UNC5B: variants seen among roughly 807,000 people sequenced by gnomAD.
UNC5B encodes netrin receptor UNC5B.
UNC5B carries 56 observed loss-of-function variants against 103.7 expected under a neutral mutation model. That is an observed-to-expected ratio of 0.54 (90% CI 0.44 to 0.67). The LOEUF (loss-of-function observed/expected upper bound fraction) is 0.67, where lower values mean the gene tolerates loss of function less well. UNC5B is among the 30% of genes least tolerant of loss of function. The pLI is 0.00. For synonymous variants in UNC5B, 577 were observed against 542.0 expected (o/e 1.06, Z -0.90); for missense variants, 1,194 against 1,284.5 (o/e 0.93, Z 1.08).
intron 1 of UNC5B, among the ~76,000 whole-genome samples, chr10:71,227,617 T>TAC (rs1307605588): frequency 0.029 from 4,213 of 144,318 alleles, 100 homozygotes; most frequent in East Asian, 0.099. Context: ...TATACATATA[T>TAC]ATACATATAT....
chr10:71,257,428 T>G (rs1400422453), intron 1 of UNC5B, among the ~76,000 whole-genome samples: 14 of 152,078 alleles, frequency 9.2e-5, no homozygotes, highest in Admixed American at 8.5e-4. Context: ...CTTGCCCCCT[T>G]CCCCCTCCAG....
intron 4 of UNC5B, 129 bp downstream of exon 4, chr10:71,285,558 C>A: frequency 2.5e-6 from 2 of 805,434 alleles, no homozygotes; most frequent in South Asian, 1.8e-5. Flanking sequence ...CAGATGAGAT[C>A]GAGGCTTAGC....
rs1564516183 is a variant in UNC5B, at chr10:71,296,805, T to TC, written c.2490+63_2490+64insC. ...CACACTGGCGGAGGTGAGGGAAGGG[T>TC]GGGGCAGATATTCCAGCTGCACACC... On this transcript the variant is annotated intron_variant, in intron 15 of 16. Coordinates refer to ENST00000335350, the MANE Select transcript of UNC5B (RefSeq NM_170744.5). 9.0e-4 allele frequency: 1,193 copies of TC among 1,330,816 alleles called. 1 individual carries two copies. The highest frequency in any genetic ancestry group is 1.8e-3 in the East Asian group (61 of 34,824). 82.4% of individuals were successfully genotyped at this position (1,330,816 alleles called of 1,614,324 possible). A position where few individuals can be genotyped will look rare whatever the true frequency, so the allele number is the denominator to read the frequency against.
intron 1 of UNC5B, among the ~76,000 whole-genome samples, chr10:71,220,087 A>G (rs546917972): frequency 6.6e-6 from 1 of 151,944 alleles, no homozygotes; most frequent in South Asian, 2.1e-4. Flanking sequence ...GCCCCATTCC[A>G]CCTCCCAGCA....
intron 11 of UNC5B, among the ~76,000 whole-genome samples, 183 bp downstream of exon 11, chr10:71,292,737 G>A (rs1281699248): frequency 2.6e-5 from 4 of 152,260 alleles, no homozygotes; most frequent in South Asian, 4.1e-4. Context: ...ACTCAAAGGC[G>A]GTTGACAAGC....
At chr10:71,221,736 G>C (rs546023141) in intron 1 of UNC5B, among the ~76,000 whole-genome samples, 1 of 152,300 alleles carries the variant, frequency 6.6e-6, no homozygotes, top group South Asian at 2.1e-4. Context: ...TGTGTCTTGG[G>C]AGGGGTCTTG....
intron 11 of UNC5B, among the ~76,000 whole-genome samples, chr10:71,292,976 AATT>A (rs1589201619): frequency 6.6e-6 from 1 of 152,158 alleles, no homozygotes; most frequent in African/African-American, 2.4e-5. Flanking sequence ...GGGATTTTTA[AATT>A]ATTATTATTA....
intron 3 of UNC5B, among the ~76,000 whole-genome samples, 160 bp downstream of exon 3, chr10:71,285,023 G>T (rs1564731654): frequency 6.6e-6 from 1 of 152,296 alleles, no homozygotes; most frequent in East Asian, 1.9e-4. Context: ...CTCAGAGAGG[G>T]CTCCTAGACC....
At chr10:71,286,416 C>G (rs536097938) in intron 4 of UNC5B, among the ~76,000 whole-genome samples, 1 of 152,332 alleles carries the variant, frequency 6.6e-6, no homozygotes, top group East Asian at 1.9e-4. Context: ...CTCATGTAAT[C>G]CTCGCGATGG....
chr10:71,227,438 G>A (rs765265942), intron 1 of UNC5B, among the ~76,000 whole-genome samples: 2 of 151,498 alleles, frequency 1.3e-5, no homozygotes, highest in Non-Finnish European at 2.9e-5. Context: ...AGGGGGTGAG[G>A]GATAAAAGAC....
At chr10:71,292,657 C>A in intron 11 of UNC5B, 103 bp downstream of exon 11, 1 of 968,266 alleles carries the variant, frequency 1.0e-6, no homozygotes, top group Non-Finnish European at 1.6e-6. Context: ...CCAAACAGTC[C>A]TCCAAGGAAA....
Position 71,299,830 on chromosome 10 carries a change from A to G in UNC5B, c.*553A>G, listed in dbSNP as rs1845545686. 1.3e-5 allele frequency: 2 copies of G among 152,296 alleles called. No individual in the cohort carries two copies. The highest frequency in any genetic ancestry group is 1.3e-4 in the Admixed American group (2 of 15,292). 9.4% of individuals were successfully genotyped at this position (152,296 alleles called of 1,614,324 possible). ...CCGCTAGTAAGGCTCAAAGAAGAAG[A>G]AAAACACCAAAACCACAAGGGAAAA... is the stretch of plus-strand genomic sequence containing the variant. On this transcript the variant is annotated 3_prime_UTR_variant, in exon 17 of 17. Coordinates refer to ENST00000335350, the MANE Select transcript of UNC5B (RefSeq NM_170744.5).
intron 1 of UNC5B, among the ~76,000 whole-genome samples, chr10:71,255,240 T>C (rs964533067): frequency 3.9e-5 from 6 of 152,226 alleles, no homozygotes; most frequent in Admixed American, 6.5e-5. Context: ...AACATCTCCA[T>C]GCTCACAGCT....
At chr10:71,256,783 C>T (rs545386040) in intron 1 of UNC5B, among the ~76,000 whole-genome samples, 1 of 152,346 alleles carries the variant, frequency 6.6e-6, no homozygotes, top group South Asian at 2.1e-4. Context: ...TCTCACCTAA[C>T]CCCCTCAATG....
chr10:71,294,338 T>C (rs1278163320), intron 13 of UNC5B, among the ~76,000 whole-genome samples: 1 of 152,066 alleles, frequency 6.6e-6, no homozygotes, highest in Non-Finnish European at 1.5e-5. Context: ...CTAAAAGGCA[T>C]AGGGAATGTG....
At chr10:71,266,567 G>A (rs2132286173) in intron 1 of UNC5B, among the ~76,000 whole-genome samples, 1 of 152,320 alleles carries the variant, frequency 6.6e-6, no homozygotes, top group South Asian at 2.1e-4. Flanking sequence ...CCCCACACGA[G>A]TCTGTTTCAT....
rs1845257073 is a variant in UNC5B at position 71,291,523 on chromosome 10, C to T, written c.1386C>T (p.Ser462=). The change falls in exon 10 of 17, where the codon TCC becomes TCT. Residue 462 remains serine, a synonymous_variant. Transcript: ENST00000335350. ...YRGPVYALQD[S]TDKIPMTNSP... Reference sequence around the variant, plus strand: ...GACCCGTGTATGCCCTGCAGGACTCCACCGACAAAATCCCCATGACCAACT... The same window carrying T: ...GACCCGTGTATGCCCTGCAGGACTCTACCGACAAAATCCCCATGACCAACT... 6.2e-7 allele frequency: 1 copy of T among 1,614,078 alleles called. No homozygotes were observed. Among genetic ancestry groups the T allele is most frequent in the African/African-American group, 1.3e-5 (1 of 74,936 alleles).
rs751281937 is a variant in UNC5B, at chr10:71,291,546, A to G, written c.1409A>G (p.Asn470Ser). The change falls in exon 10 of 17, where the codon AAC (asparagine) becomes AGC (serine). Residue 470 changes from asparagine (N) to serine (S), a missense_variant. Asn to Ser is a conservative substitution (Grantham distance 46). Transcript: ENST00000335350. ...TCCACCGACAAAATCCCCATGACCA[A>G]CTCTCCTCTGCTGGACCCCTTACCC... ...QDSTDKIPMT[N>S]SPLLDPLPSL... The G allele has an allele frequency of 6.8e-6, 11 of 1,613,092 alleles. No homozygotes were observed. In the South Asian group the frequency reaches 8.8e-5, roughly 13 times the overall value.
chr10:71,217,095 C>G (rs533669814), intron 1 of UNC5B: 1 of 152,848 alleles, frequency 6.5e-6, no homozygotes, highest in East Asian at 1.9e-4. Flanking sequence ...GAGGAGAAAG[C>G]CGGCGCTCAG....
Sources: gnomAD v4.1 joint callset for allele counts (sites outside exome capture counted in the v4.1 genomes callset) on GRCh38, gnomAD v4.1.1 for gene constraint, MANE v1.5 for transcripts, NCBI Gene and HGNC (gene_info 2026-07-23, HGNC 2026-07-21) for gene names.